The following CSMD1 variants were observed in gnomAD, a reference collection of about 807,000 sequenced individuals.
CSMD1 encodes the protein CUB and Sushi multiple domains 1.
A neutral mutation model predicts 417.5 loss-of-function variants in CSMD1; 213 were observed. That is an observed-to-expected ratio of 0.51 (90% CI 0.46 to 0.57). CSMD1 has a LOEUF of 0.57. Among genes scored for constraint, CSMD1 ranks in the 20% least tolerant of loss-of-function variants. The pLI, the probability that CSMD1 is intolerant of heterozygous loss-of-function variation, is 0.00. For missense variants in CSMD1, 6,923 were observed against 4,529.7 expected, an observed-to-expected ratio of 1.53 and a Z score of -15.17; for synonymous variants, 2,862 against 1,736.8, an observed-to-expected ratio of 1.65 and a Z score of -16.11.
chr8:3,293,659 C>G (rs1412369687), intron 25 of CSMD1, among the ~76,000 whole-genome samples: 1 of 152,114 alleles, frequency 6.6e-6, no homozygotes, highest in Non-Finnish European at 1.5e-5. Context: ...AGTCCTCGTG[C>G]CTTGGTTTTC....
At chr8:4,635,544 GC>G (rs1378477028) in intron 2 of CSMD1, among the ~76,000 whole-genome samples, 1 of 152,026 alleles carries the variant, frequency 6.6e-6, no homozygotes, top group Non-Finnish European at 1.5e-5. Context: ...TTTTAAGAGA[GC>G]ATATTTTTAA....
intron 3 of CSMD1, among the ~76,000 whole-genome samples, chr8:4,087,938 C>G (rs1363468906): frequency 6.6e-6 from 1 of 152,066 alleles, no homozygotes; most frequent in African/African-American, 2.4e-5. Context: ...CCCTTGTGAC[C>G]AAACAGGCTA....
intron 2 of CSMD1, among the ~76,000 whole-genome samples, chr8:4,585,259 C>A (rs931144436): frequency 6.6e-6 from 1 of 152,084 alleles, no homozygotes; most frequent in Non-Finnish European, 1.5e-5. Flanking sequence ...ACTGGAGTCA[C>A]ATGGAAATTC....
chr8:4,960,851 TATA>T (rs1386564672), intron 1 of CSMD1, among the ~76,000 whole-genome samples: 6 of 152,176 alleles, frequency 3.9e-5, no homozygotes, highest in African/African-American at 1.2e-4. Context: ...TCATAAGTTA[TATA>T]ATAATAAAAT....
intron 26 of CSMD1, among the ~76,000 whole-genome samples, chr8:3,274,522 G>T (rs1197693053): frequency 6.6e-6 from 1 of 152,174 alleles, no homozygotes; most frequent in African/African-American, 2.4e-5. Context: ...AAAGTTGACA[G>T]TGGGGTGTTA....
intron 4 of CSMD1, among the ~76,000 whole-genome samples, chr8:4,017,646 G>C (rs753245151): frequency 1.3e-4 from 20 of 151,852 alleles, no homozygotes; most frequent in Middle Eastern, 3.4e-3. Flanking sequence ...GAAAATATTA[G>C]AGAGTTCTAA....
chr8:2,967,599 G>T (rs1804081007), intron 57 of CSMD1, among the ~76,000 whole-genome samples: 1 of 151,734 alleles, frequency 6.6e-6, no homozygotes, highest in Admixed American at 6.6e-5. Flanking sequence ...CCTTAGTACT[G>T]TTGCAATAAT....
chr8:3,919,357 T>C (rs930439515), intron 5 of CSMD1, among the ~76,000 whole-genome samples: 4 of 152,110 alleles, frequency 2.6e-5, no homozygotes, highest in African/African-American at 9.7e-5. Flanking sequence ...CTGCACGACA[T>C]ACTCAGTTGT....
chr8:4,730,317 T>C (rs1809760818), intron 1 of CSMD1, among the ~76,000 whole-genome samples: 1 of 152,164 alleles, frequency 6.6e-6, no homozygotes. Context: ...ACAAATTCAG[T>C]TCAAAGAAAT....
intron 26 of CSMD1, among the ~76,000 whole-genome samples, chr8:3,281,894 G>C (rs988282047): frequency 3.0e-4 from 45 of 152,142 alleles, no homozygotes; most frequent in African/African-American, 9.7e-4. Context: ...CCATCCCCCA[G>C]TGCTGTCTTC....
intron 1 of CSMD1, among the ~76,000 whole-genome samples, chr8:4,985,304 C>T (rs1045839327): frequency 6.6e-6 from 1 of 151,938 alleles, no homozygotes; most frequent in Non-Finnish European, 1.5e-5. Context: ...GTACAACAAC[C>T]CCCCATGACA....
intron 1 of CSMD1, among the ~76,000 whole-genome samples, chr8:4,650,707 T>C (rs1414491033): frequency 6.6e-6 from 1 of 152,248 alleles, no homozygotes; most frequent in Non-Finnish European, 1.5e-5. Flanking sequence ...GATTTTATTT[T>C]ACTGATTTCT....
intron 5 of CSMD1, among the ~76,000 whole-genome samples, chr8:3,829,517 C>A (rs1802248016): frequency 6.6e-6 from 1 of 152,154 alleles, no homozygotes; most frequent in Admixed American, 6.6e-5. Flanking sequence ...CTCTGTCCTG[C>A]ACCAGAACAT....
intron 1 of CSMD1, among the ~76,000 whole-genome samples, chr8:4,738,970 A>T (rs1310239404): frequency 6.6e-6 from 1 of 151,558 alleles, no homozygotes; most frequent in Admixed American, 6.6e-5. Context: ...TGAATAATAT[A>T]CCTTCTCTTG....
At chr8:3,408,739 G>T (rs1436199049) in intron 13 of CSMD1, among the ~76,000 whole-genome samples, 1 of 151,874 alleles carries the variant, frequency 6.6e-6, no homozygotes, top group African/African-American at 2.4e-5. Context: ...GTTCTAGTTG[G>T]ATAATATAAA....
chr8:4,127,582 ATTGTTTCTAC>A (rs1802842255), intron 3 of CSMD1, among the ~76,000 whole-genome samples: 1 of 151,818 alleles, frequency 6.6e-6, no homozygotes, highest in Non-Finnish European at 1.5e-5. Context: ...GGATTTTCTA[ATTGTTTCTAC>A]TTTCCCACAC....
In CSMD1 at chr8:4,816,269, C is replaced by G. The variant is rs1799203307; in HGVS notation, c.85+178063G>C. ...GTGCAATCTTGGCTCACTGCAAACT[C>G]TGCCTCCTGGGTTCAAGGGATTCTC... On this transcript the variant is annotated intron_variant, in intron 1 of 69. Coordinates refer to ENST00000635120, the MANE Select transcript of CSMD1 (RefSeq NM_033225.6). Among the ~76,000 whole-genome samples the G allele has an allele frequency of 2.0e-5, 3 of 152,046 alleles. No homozygotes were observed. In the South Asian group the frequency reaches 6.2e-4, roughly 32 times the overall value.
In CSMD1 at chr8:4,177,970, T is replaced by C. The variant is rs544389306; in HGVS notation, c.416-145871A>G. ...ATCAACCAAAAAGAGTCCAGGATCA[T>C]ATGGACTCACAGCCAAATTCTACCA... On this transcript the variant is annotated intron_variant, in intron 3 of 69. Coordinates refer to ENST00000635120, the MANE Select transcript of CSMD1 (RefSeq NM_033225.6). Among the ~76,000 whole-genome samples, 3 of 152,252 alleles carry C rather than the reference T, an allele frequency of 2.0e-5. No homozygotes were observed. The East Asian group carries it at 5.8e-4, about 29-fold the overall frequency.
intron 5 of CSMD1, among the ~76,000 whole-genome samples, chr8:3,932,387 G>A (rs1445737368): frequency 1.3e-5 from 2 of 150,480 alleles, no homozygotes; most frequent in African/African-American, 4.9e-5. Context: ...GTTTTGCTAT[G>A]CCTGCAACAT....
Sources: gnomAD v4.1 joint callset for allele counts (sites outside exome capture counted in the v4.1 genomes callset) on GRCh38, gnomAD v4.1.1 for gene constraint, MANE v1.5 for transcripts, NCBI Gene and HGNC (gene_info 2026-07-23, HGNC 2026-07-21) for gene names.